CNOT3: variants seen among roughly 807,000 people sequenced by gnomAD.
CNOT3 encodes the protein CCR4-NOT transcription complex subunit 3.
Under a neutral mutation model 89.4 loss-of-function variants are expected in CNOT3, and 2 were observed. That is an observed-to-expected ratio of 0.02 (90% CI 0.01 to 0.07). The LOEUF (loss-of-function observed/expected upper bound fraction) is 0.07. Among genes scored for constraint, CNOT3 ranks in the 10% least tolerant of loss-of-function variants. The pLI is 1.00. For synonymous variants in CNOT3, 486 were observed against 402.0 expected, an observed-to-expected ratio of 1.21 and a Z score of -2.50; for missense variants, 664 against 1,010.2, an observed-to-expected ratio of 0.66 and a Z score of 4.65.
Position 54,155,595 on chromosome 19 carries a change from C to T in CNOT3, c.*188C>T. ...CTGGGGGCCCGGGGGCGAGGGCTGC[C>T]CCCTCCTCCCCTCCCCAGTGAGGGA... is the stretch of plus-strand genomic sequence containing the variant. On this transcript the variant is annotated 3_prime_UTR_variant, in exon 18 of 18. Coordinates refer to ENST00000221232, the MANE Select transcript of CNOT3 (RefSeq NM_014516.4). The T allele has an allele frequency of 9.2e-7, 1 of 1,090,198 alleles. No homozygotes were observed. The highest frequency in any genetic ancestry group is 1.3e-6 in the Non-Finnish European group (1 of 765,290). The allele number at this position is 1,090,198 out of a possible 1,614,324, so 67.5% of individuals were successfully genotyped here.
At chr19:54,139,191 A>C (rs587697351) in intron 1 of CNOT3, among the ~76,000 whole-genome samples, 1 of 152,142 alleles carries the variant, frequency 6.6e-6, no homozygotes, top group East Asian at 1.9e-4. Context: ...CCTTTTGGTG[A>C]GGGGTTTTGA....
rs767768765 is a variant in CNOT3, at chr19:54,144,362, A to G, written c.483+30A>G. On this transcript the variant is annotated intron_variant, in intron 7 of 17. Coordinates refer to ENST00000221232, the MANE Select transcript of CNOT3 (RefSeq NM_014516.4). The surrounding 1 kb of genome is among the most constrained non-coding windows in gnomAD (Gnocchi z 4.8). ...GTGAGGGAGACCCGACACCTTTGGG[A>G]TGGGGATGGGCATGGGAATGGGCTG... 6.5e-7 allele frequency: 1 copy of G among 1,541,366 alleles called. No individual in the cohort carries two copies. The highest frequency in any genetic ancestry group is 1.7e-5 in the Admixed American group (1 of 59,666).
chr19:54,154,463 T>C (rs1234288769), intron 17 of CNOT3: 1 of 201,450 alleles, frequency 5.0e-6, no homozygotes, highest in Non-Finnish European at 1.0e-5. Context: ...GCAGTTGTTA[T>C]GAAGATTAAA....
At position 54,155,563 on chromosome 19, in the gene CNOT3, C is replaced by G; in HGVS notation, c.*156C>G. ...GGGGGCCGGGAGGTTTTCCTCTCAG[C>G]CCCACCCTGGGGGCCCGGGGGCGAG... On this transcript the variant is annotated 3_prime_UTR_variant, in exon 18 of 18. Coordinates refer to ENST00000221232, the MANE Select transcript of CNOT3 (RefSeq NM_014516.4). 3 of 958,010 alleles carry G rather than the reference C, an allele frequency of 3.1e-6. No homozygotes were observed. Among genetic ancestry groups the G allele is most frequent in the Non-Finnish European group, 4.6e-6 (3 of 652,478 alleles). 59.3% of individuals were successfully genotyped at this position (958,010 alleles called of 1,614,324 possible).
At chr19:54,141,282 G>GC (rs1279698721) in intron 1 of CNOT3, 2 of 152,222 alleles carry the variant, frequency 1.3e-5, no homozygotes, top group Admixed American at 6.5e-5. Context: ...CTGGGCGGGG[G>GC]CTGCTGCGGC....
At position 54,155,493 on chromosome 19, in the gene CNOT3, G is replaced by T; in HGVS notation, c.*86G>T. ...GGGCCCTGCCCTGGAAGACTGGAGG[G>T]AGGCCCCAAGCCACGGGGCATCCCC... On this transcript the variant is annotated 3_prime_UTR_variant, in exon 18 of 18. Transcript: ENST00000221232. The T allele has an allele frequency of 9.8e-7, 1 of 1,021,186 alleles. No individual in the cohort carries two copies. The highest frequency in any genetic ancestry group is 1.6e-5 in the African/African-American group (1 of 62,492). The allele number at this position is 1,021,186 out of a possible 1,614,324, so 63.3% of individuals were successfully genotyped here. A position where few individuals can be genotyped will look rare whatever the true frequency, so the allele number is the denominator to read the frequency against.
intron 9 of CNOT3, among the ~76,000 whole-genome samples, chr19:54,146,339 C>G (rs1462016599): frequency 6.6e-6 from 1 of 152,146 alleles, no homozygotes; most frequent in Non-Finnish European, 1.5e-5. Flanking sequence ...GGCAGGGATC[C>G]AAGGGTTGGC....
chr19:54,153,099 G>A (rs753079746), intron 16 of CNOT3, 100 bp downstream of exon 16: 48 of 1,222,178 alleles, frequency 3.9e-5, no homozygotes, highest in Middle Eastern at 1.9e-4. Context: ...GCCCCACTGC[G>A]GCCACTGGGA....
At chr19:54,150,210 G>A (rs760547122) in intron 13 of CNOT3, among the ~76,000 whole-genome samples, 1 of 152,056 alleles carries the variant, frequency 6.6e-6, no homozygotes, top group Non-Finnish European at 1.5e-5. Flanking sequence ...GAAGGTTGCG[G>A]TGGGCCCACC....
Position 54,152,627 on chromosome 19 carries a change from G to C in CNOT3, c.1904+1G>C. 1 of 1,609,364 alleles carries C rather than the reference G, an allele frequency of 6.2e-7. No individual in the cohort carries two copies. ...ACCCCTCTGACTCTGAGCGTATTCG[G>C]TGAGGGGCCACAGGGAAGGGGGATG... On this transcript the variant is annotated splice_donor_variant, in intron 15 of 17. Transcript: ENST00000221232. LOFTEE classifies it high-confidence loss of function.
rs2075157021 is a variant in CNOT3 at position 54,152,210 on chromosome 19, C to CT, written c.1606-14dup. 6.2e-7 allele frequency: 1 copy of CT among 1,613,688 alleles called. No individual in the cohort carries two copies. Among genetic ancestry groups the CT allele is most frequent in the Non-Finnish European group, 8.5e-7 (1 of 1,179,874 alleles). On this transcript the variant is annotated splice_polypyrimidine_tract_variant and intron_variant, in intron 13 of 17. Transcript: ENST00000221232. Reference sequence around the variant, plus strand: ...CAGCCCAAGTGCTCAGGCCAGGCCTCTTGTTTCCTCCCCAGGCCCCTGAGC... The same window carrying CT: ...CAGCCCAAGTGCTCAGGCCAGGCCTCTTTGTTTCCTCCCCAGGCCCCTGAGC...
At position 54,154,111 on chromosome 19, in the gene CNOT3, C is replaced by T. The variant is rs1325714901; in HGVS notation, c.2163+271C>T. On this transcript the variant is annotated intron_variant, in intron 17 of 17. Coordinates refer to ENST00000221232, the MANE Select transcript of CNOT3 (RefSeq NM_014516.4). The stretch of plus-strand genomic sequence containing the variant: ...TTCCTGGAGCCACCCAGCCCAGTGC[C>T]TCCCCTTTGCAGTGCTGGGCACACT... 9.0e-6 allele frequency: 6 copies of T among 669,182 alleles called. No individual in the cohort carries two copies. The African/African-American group carries it at 1.1e-4, about 12-fold the overall frequency. 41.5% of individuals were successfully genotyped at this position (669,182 alleles called of 1,614,324 possible). A position where few individuals can be genotyped will look rare whatever the true frequency, so the allele number is the denominator to read the frequency against.
intron 13 of CNOT3, 79 bp from the exon 14 acceptor site, chr19:54,152,147 G>A: frequency 6.7e-7 from 1 of 1,496,432 alleles, no homozygotes; most frequent in Non-Finnish European, 9.3e-7. Flanking sequence ...GGGCAGGTGA[G>A]AGCATCTGGG....
Position 54,155,525 on chromosome 19 carries a change from C to A in CNOT3, c.*118C>A. On this transcript the variant is annotated 3_prime_UTR_variant, in exon 18 of 18. Coordinates refer to ENST00000221232, the MANE Select transcript of CNOT3 (RefSeq NM_014516.4). ...CAAGCCACGGGGCATCCCCCTCTCC[C>A]AGGAAGCAGGGAGGGGGCCGGGAGG... is the stretch of plus-strand genomic sequence containing the variant. 1.1e-6 allele frequency: 1 copy of A among 919,690 alleles called. No homozygotes were observed. The highest frequency in any genetic ancestry group is 1.7e-5 in the South Asian group (1 of 58,942). 57.0% of individuals were successfully genotyped at this position (919,690 alleles called of 1,614,324 possible).
Position 54,148,895 on chromosome 19 carries a change from A to G in CNOT3, c.1406+152A>G. ...ATCCTCCATCTCCCTCGGGTGTTAC[A>G]CCCCCACTTCTTTCCAGCAAGGAAA... On this transcript the variant is annotated intron_variant, in intron 12 of 17. Coordinates refer to ENST00000221232, the MANE Select transcript of CNOT3 (RefSeq NM_014516.4). This position sits in a 1 kb window ranked among gnomAD's most constrained non-coding sequence, Gnocchi z 6.3. 1 of 654,354 alleles carries G rather than the reference A, an allele frequency of 1.5e-6. No homozygotes were observed. The highest frequency in any genetic ancestry group is 2.6e-6 in the Non-Finnish European group (1 of 388,836). The allele number at this position is 654,354 out of a possible 1,614,324, so 40.5% of individuals were successfully genotyped here.
At position 54,152,470 on chromosome 19, in the gene CNOT3, A is replaced by C. The variant is rs772101793; in HGVS notation, c.1748A>C (p.Gln583Pro). 2.5e-5 allele frequency: 41 copies of C among 1,614,042 alleles called. No individual in the cohort carries two copies. The highest frequency in any genetic ancestry group is 3.2e-5 in the Non-Finnish European group (38 of 1,180,028). The change falls in exon 15 of 18, where the codon CAG becomes CCG. Residue 583 changes from glutamine (Q) to proline (P), a missense_variant. By Grantham distance (76) the Gln-to-Pro change is moderately conservative. Coordinates refer to ENST00000221232, the MANE Select transcript of CNOT3 (RefSeq NM_014516.4). ...SSTSAPPASA[Q>P]PPLQLSEVNI... ...ACATCAGCACCTCCGGCCTCAGCCC[A>C]GCCGCCCCTGCAGCTGTCAGAGGTG...
At chr19:54,151,793 A>G (rs1307489996) in intron 13 of CNOT3, among the ~76,000 whole-genome samples, 1 of 152,192 alleles carries the variant, frequency 6.6e-6, no homozygotes, top group African/African-American at 2.4e-5. Flanking sequence ...TCACAGGCAG[A>G]CAGCTGAGCA....
chr19:54,149,988 C>T (rs745389797), intron 13 of CNOT3, among the ~76,000 whole-genome samples: 1 of 152,130 alleles, frequency 6.6e-6, no homozygotes, highest in Non-Finnish European at 1.5e-5. Flanking sequence ...AGCTCTGTTT[C>T]TCTGGGTCTC....
intron 13 of CNOT3, among the ~76,000 whole-genome samples, chr19:54,150,569 T>TGCACAGGCTGTCCAGGAGGCAGTGTGCGC (rs2075021952): frequency 7.3e-6 from 1 of 137,500 alleles, no homozygotes; most frequent in Admixed American, 7.2e-5. Context: ...CCAGTGTGTA[T>TGCACAGGCTGTCCAGGAGGCAGTGTGCGC]GCCCAGGCTG....
Sources: gnomAD v4.1 joint callset for allele counts (sites outside exome capture counted in the v4.1 genomes callset) on GRCh38, gnomAD v4.1.1 for gene constraint, Gnocchi (gnomAD v3.1) non-coding constraint, MANE v1.5 for transcripts, NCBI Gene and HGNC (gene_info 2026-07-23, HGNC 2026-07-21) for gene names.